Variants in SMIM14 observed in about 807,000 individuals in gnomAD.
The protein encoded by SMIM14 is small integral membrane protein 14.
SMIM14 carries 5 observed loss-of-function variants against 12.6 expected under a neutral mutation model. The ratio of observed to expected loss-of-function variants is 0.40; its 90% CI spans 0.21 to 0.83. The LOEUF (loss-of-function observed/expected upper bound fraction) is 0.83, where lower values mean the gene tolerates loss of function less well. SMIM14 is among the 40% of genes least tolerant of loss of function. SMIM14 has a pLI of 0.37. For synonymous variants in SMIM14, 30 were observed against 40.1 expected (o/e 0.75, Z 0.95); for missense variants, 86 against 119.1 (o/e 0.72, Z 1.29).
At chr4:39,576,999 C>T (rs998524314) in intron 2 of SMIM14, among the ~76,000 whole-genome samples, 1 of 151,592 alleles carries the variant, frequency 6.6e-6, no homozygotes, top group African/African-American at 2.4e-5. Flanking sequence ...TCATGAGCCA[C>T]CACACCTGGC....
intron 1 of SMIM14, among the ~76,000 whole-genome samples, chr4:39,616,226 C>T (rs1715218553): frequency 6.6e-6 from 1 of 152,206 alleles, no homozygotes. Context: ...ACCTCCACCT[C>T]CTGGGTTCAA....
chr4:39,568,950 G>C (rs1712719244), intron 3 of SMIM14, among the ~76,000 whole-genome samples: 1 of 152,184 alleles, frequency 6.6e-6, no homozygotes. Context: ...GAGTTAGGAA[G>C]TGACATTTTA....
At chr4:39,604,018 A>AC (rs1714713673) in intron 2 of SMIM14, among the ~76,000 whole-genome samples, 1 of 140,828 alleles carries the variant, frequency 7.1e-6, no homozygotes, top group South Asian at 2.3e-4. Flanking sequence ...CTCAAAAAAA[A>AC]AAAAAAAAGA....
chr4:39,553,974 T>C (rs1711871187), intron 4 of SMIM14, among the ~76,000 whole-genome samples: 1 of 152,178 alleles, frequency 6.6e-6, no homozygotes, highest in Non-Finnish European at 1.5e-5. Flanking sequence ...TTTCTTTCTA[T>C]GCTACATATC....
At chr4:39,589,433 T>G (rs907587831) in intron 2 of SMIM14, among the ~76,000 whole-genome samples, 3 of 152,202 alleles carry the variant, frequency 2.0e-5, no homozygotes, top group Non-Finnish European at 4.4e-5. Context: ...TTATGCTGTT[T>G]AGATTAAGAG....
At chr4:39,629,100 C>T (rs1715813210) in intron 1 of SMIM14, among the ~76,000 whole-genome samples, 1 of 151,838 alleles carries the variant, frequency 6.6e-6, no homozygotes, top group African/African-American at 2.4e-5. Flanking sequence ...CCAGGCCAGG[C>T]CTGTAATCCC....
chr4:39,600,272 C>T (rs1714547394), intron 2 of SMIM14, among the ~76,000 whole-genome samples: 1 of 152,074 alleles, frequency 6.6e-6, no homozygotes, highest in African/African-American at 2.4e-5. Context: ...CTCCTGGCCT[C>T]AAGTGATCCA....
chr4:39,637,583 C>G (rs1716144821), intron 1 of SMIM14, among the ~76,000 whole-genome samples: 1 of 149,880 alleles, frequency 6.7e-6, no homozygotes, highest in Admixed American at 6.7e-5. Context: ...AAGCGGTGTT[C>G]TTAAACACCA....
At chr4:39,638,702 G>C in intron 1 of SMIM14, 37 bp downstream of exon 1, 1 of 985,356 alleles carries the variant, frequency 1.0e-6, no homozygotes, top group Non-Finnish European at 1.2e-6. Context: ...GGGAGGGTGA[G>C]CCAGCAAACG....
In SMIM14 at chr4:39,636,691, T is replaced by C. The variant is rs6831435; in HGVS notation, c.-36+2048A>G. Among the ~76,000 whole-genome samples, 1,045 of 120,616 alleles carry C rather than the reference T, an allele frequency of 8.7e-3. 13 individuals are homozygous for C. The highest frequency in any genetic ancestry group is 0.03 in the African/African-American group (986 of 32,602). The allele number at this position is 120,616 out of a possible 152,430, so 79.1% of individuals were successfully genotyped here. ...TCTCGTCTCTATTAAATTTTAAAAT[T>C]AAAAAATTATAAAACAACCCCCCCC... On this transcript the variant is annotated intron_variant, in intron 1 of 4. Transcript: ENST00000295958.
intron 1 of SMIM14, among the ~76,000 whole-genome samples, chr4:39,635,403 G>T (rs183925186): frequency 6.6e-6 from 1 of 152,248 alleles, no homozygotes; most frequent in East Asian, 1.9e-4. Flanking sequence ...CAACAAGGGG[G>T]TGTCAAGGTA....
At chr4:39,569,652 G>A (rs898359000) in intron 3 of SMIM14, among the ~76,000 whole-genome samples, 3 of 152,004 alleles carry the variant, frequency 2.0e-5, no homozygotes. Context: ...CACTAGAATT[G>A]CCTGAACCTG....
chr4:39,557,062 C>T (rs1311246889), intron 3 of SMIM14, among the ~76,000 whole-genome samples: 1 of 149,826 alleles, frequency 6.7e-6, no homozygotes, highest in Non-Finnish European at 1.5e-5. Flanking sequence ...TTGCCAAGGC[C>T]AGAGTGCAGT....
intron 3 of SMIM14, among the ~76,000 whole-genome samples, chr4:39,564,001 C>T (rs1712453799): frequency 6.6e-6 from 1 of 152,022 alleles, no homozygotes; most frequent in Admixed American, 6.6e-5. Flanking sequence ...CATCTTGGCT[C>T]ACTGCAACCT....
intron 1 of SMIM14, among the ~76,000 whole-genome samples, chr4:39,630,232 C>T (rs1715850503): frequency 6.6e-6 from 1 of 151,952 alleles, no homozygotes; most frequent in Non-Finnish European, 1.5e-5. Flanking sequence ...ACCGTCTCTA[C>T]AAAAAACTTT....
intron 1 of SMIM14, among the ~76,000 whole-genome samples, chr4:39,632,829 A>G (rs1715961048): frequency 1.3e-5 from 2 of 148,634 alleles, no homozygotes; most frequent in African/African-American, 2.5e-5. Context: ...ACACACACAA[A>G]AGAAAAAGAA....
intron 1 of SMIM14, among the ~76,000 whole-genome samples, chr4:39,618,674 A>C (rs867660206): frequency 6.6e-6 from 1 of 151,772 alleles, no homozygotes; most frequent in Non-Finnish European, 1.5e-5. Flanking sequence ...ACAAAAAAAA[A>C]AAACCAAAGC....
intron 1 of SMIM14, among the ~76,000 whole-genome samples, chr4:39,633,653 G>A (rs1715988625): frequency 6.6e-6 from 1 of 152,152 alleles, no homozygotes. Context: ...AGCTACTCAG[G>A]AGGCAGAGGT....
In SMIM14 at chr4:39,610,327, C is replaced by G. The variant is rs539875938; in HGVS notation, c.-35-5147G>C. On this transcript the variant is annotated intron_variant, in intron 1 of 4. Coordinates refer to ENST00000295958, the MANE Select transcript of SMIM14 (RefSeq NM_174921.3). ...AAATGAAGTCACACATAAAATTAGT[C>G]AACTACAGCAACAGATTAGAACACA... is the stretch of plus-strand genomic sequence containing the variant. Among the ~76,000 whole-genome samples the G allele has an allele frequency of 6.2e-4, 94 of 152,188 alleles. 1 individual carries two copies. The highest frequency in any genetic ancestry group is 2.2e-3 in the African/African-American group (92 of 41,526).
Sources: allele counts gnomAD v4.1 joint callset (sites outside exome capture counted in the v4.1 genomes callset), GRCh38; gene constraint gnomAD v4.1.1; transcripts MANE v1.5; gene names NCBI Gene and HGNC (gene_info 2026-07-23, HGNC 2026-07-21).